Variants in GALNT2 observed in about 807,000 individuals in gnomAD.
GALNT2 encodes UDP-GalNAc:polypeptide N-acetylgalactosaminyltransferase 2.
A neutral mutation model predicts 81.4 loss-of-function variants in GALNT2; 31 were observed. The ratio of observed to expected loss-of-function variants is 0.38; its 90% CI spans 0.29 to 0.51. GALNT2 has a LOEUF of 0.51. Among genes scored for constraint, GALNT2 ranks in the 20% least tolerant of loss-of-function variants. The probability of loss-of-function intolerance (pLI) is 0.87; values close to 1 mark genes in which losing one functional copy is unlikely to be tolerated. For synonymous variants in GALNT2, 303 were observed against 287.4 expected (o/e 1.05, Z -0.55); for missense variants, 629 against 765.7 (o/e 0.82, Z 2.11).
intron 1 of GALNT2, among the ~76,000 whole-genome samples, chr1:230,094,938 G>A (rs923900695): frequency 2.5e-4 from 38 of 152,218 alleles, no homozygotes; most frequent in African/African-American, 9.2e-4. Flanking sequence ...TCCTACTGAG[G>A]GTGAGGATTA....
chr1:230,235,480 AT>A (rs1664999227), intron 3 of GALNT2, among the ~76,000 whole-genome samples: 1 of 152,114 alleles, frequency 6.6e-6, no homozygotes, highest in Non-Finnish European at 1.5e-5. Context: ...GTATTTGGGG[AT>A]GGCCTTCCAG....
intron 2 of GALNT2, among the ~76,000 whole-genome samples, chr1:230,181,972 A>T (rs570786879): frequency 1.3e-5 from 2 of 152,294 alleles, no homozygotes; most frequent in African/African-American, 4.8e-5. Context: ...TTGGCAGAGT[A>T]TGTCTTTGGA....
At chr1:230,110,048 C>T (rs1660658119) in intron 1 of GALNT2, among the ~76,000 whole-genome samples, 1 of 152,196 alleles carries the variant, frequency 6.6e-6, no homozygotes, top group South Asian at 2.1e-4. Flanking sequence ...CCACGGCGTC[C>T]TGGCAGAGCA....
At chr1:230,157,004 G>A (rs1013203603) in intron 1 of GALNT2, among the ~76,000 whole-genome samples, 1 of 152,246 alleles carries the variant, frequency 6.6e-6, no homozygotes, top group Non-Finnish European at 1.5e-5. Context: ...TATCACGAAA[G>A]AGGTAACATT....
chr1:230,248,811 G>C (rs556079212), intron 8 of GALNT2, among the ~76,000 whole-genome samples: 3 of 152,244 alleles, frequency 2.0e-5, no homozygotes, highest in East Asian at 3.9e-4. Flanking sequence ...TGATTTTCAT[G>C]TTGGATGCTC....
Position 230,178,234 on chromosome 1 carries a change from T to G in GALNT2, c.143T>G (p.Ile48Ser), listed in dbSNP as rs1162120633. The change falls in exon 2 of 16, where the codon ATT (isoleucine) becomes AGT (serine). Residue 48 changes from isoleucine (I) to serine (S), a missense_variant. Ile to Ser is a moderately radical substitution (Grantham distance 142). This residue lies in a region of GALNT2 where 360 missense variants were observed against 492.8 expected (regional missense o/e 0.73). Transcript: ENST00000366672. ...TTCCCCTAGGAGGACTGGAATGAAATTGACCCCATTAAAAAGAAAGACCTT... is the reference window on the plus strand; with the variant it reads ...TTCCCCTAGGAGGACTGGAATGAAAGTGACCCCATTAAAAAGAAAGACCTT... ...GAGRKEDWNEIDPIKKKDLHH... is the reference protein window; with the variant it reads ...GAGRKEDWNESDPIKKKDLHH... 6.2e-7 allele frequency: 1 copy of G among 1,613,900 alleles called. No individual in the cohort carries two copies. The highest frequency in any genetic ancestry group is 1.1e-5 in the South Asian group (1 of 91,076).
chr1:230,113,097 G>A (rs535024345), intron 1 of GALNT2, among the ~76,000 whole-genome samples: 1 of 152,262 alleles, frequency 6.6e-6, no homozygotes, highest in East Asian at 1.9e-4. Flanking sequence ...GCCTGAGGAA[G>A]TGTCTTACCC....
chr1:230,200,016 T>G (rs1663834000), intron 2 of GALNT2, among the ~76,000 whole-genome samples: 1 of 152,132 alleles, frequency 6.6e-6, no homozygotes, highest in Non-Finnish European at 1.5e-5. Context: ...CTTAGCTCAG[T>G]TTTTATTGAT....
chr1:230,092,185 T>TGTTTTGTTTTTTTTTG (rs371156205), intron 1 of GALNT2, among the ~76,000 whole-genome samples: 4 of 114,286 alleles, frequency 3.5e-5, no homozygotes, highest in African/African-American at 1.3e-4. Context: ...AGTTTTTTTT[T>TGTTTTGTTTTTTTTTG]TTTTTTTTTT....
chr1:230,083,532 C>T (rs1659811992), intron 1 of GALNT2, among the ~76,000 whole-genome samples: 1 of 152,138 alleles, frequency 6.6e-6, no homozygotes, highest in Admixed American at 6.5e-5. Context: ...AACAAGAAGC[C>T]AGACTGATAG....
intron 6 of GALNT2, among the ~76,000 whole-genome samples, chr1:230,240,485 G>A (rs12069458): frequency 0.021 from 3,137 of 152,208 alleles, 111 homozygotes; most frequent in African/African-American, 0.07. Flanking sequence ...CCAGCTACTC[G>A]GGAGACTGAG....
At chr1:230,182,625 G>T (rs1315787144) in intron 2 of GALNT2, among the ~76,000 whole-genome samples, 1 of 152,154 alleles carries the variant, frequency 6.6e-6, no homozygotes, top group Non-Finnish European at 1.5e-5. Context: ...TTTTCAATTT[G>T]TTAAGGTATG....
At chr1:230,199,379 A>G (rs1202211950) in intron 2 of GALNT2, among the ~76,000 whole-genome samples, 2 of 152,160 alleles carry the variant, frequency 1.3e-5, no homozygotes, top group East Asian at 1.9e-4. Context: ...TAGCAATTCT[A>G]TATAGTACAG....
chr1:230,227,013 A>G (rs1664735212), intron 3 of GALNT2, among the ~76,000 whole-genome samples: 1 of 152,168 alleles, frequency 6.6e-6, no homozygotes, highest in South Asian at 2.1e-4. Flanking sequence ...ATGCTGATTA[A>G]CAAAAATAGA....
At chr1:230,087,104 C>T (rs901907934) in intron 1 of GALNT2, among the ~76,000 whole-genome samples, 1 of 152,170 alleles carries the variant, frequency 6.6e-6, no homozygotes, top group Non-Finnish European at 1.5e-5. Flanking sequence ...AGGTATTTCA[C>T]CTGGGAAGGT....
At chr1:230,235,528 A>G (rs949814097) in intron 3 of GALNT2, among the ~76,000 whole-genome samples, 1 of 152,202 alleles carries the variant, frequency 6.6e-6, no homozygotes, top group Non-Finnish European at 1.5e-5. Flanking sequence ...CCAGGAAGGG[A>G]AAACCTCCAG....
chr1:230,237,146 A>G (rs1262229503), intron 6 of GALNT2, among the ~76,000 whole-genome samples: 1 of 152,220 alleles, frequency 6.6e-6, no homozygotes, highest in Non-Finnish European at 1.5e-5. Flanking sequence ...AAATGGGGAG[A>G]CAGTACTGCA....
rs1029437028 is a variant in GALNT2, at chr1:230,279,828, AG to A, written c.*375del. ...TGCGAGCTGAGGACAGGGCGGGAGG[AG>A]GGGGCACACATGCCCCAGGGGAGCG... On this transcript the variant is annotated 3_prime_UTR_variant, in exon 16 of 16. Transcript: ENST00000366672. The surrounding 1 kb of genome is among the most constrained non-coding windows in gnomAD (Gnocchi z 4.6). 1 of 478,626 alleles carries A rather than the reference AG, an allele frequency of 2.1e-6. No homozygotes were observed. Among genetic ancestry groups the A allele is most frequent in the African/African-American group, 2.0e-5 (1 of 51,046 alleles). 29.6% of individuals were successfully genotyped at this position (478,626 alleles called of 1,614,324 possible). A position where few individuals can be genotyped will look rare whatever the true frequency, so the allele number is the denominator to read the frequency against.
At chr1:230,198,233 G>A (rs1308820386) in intron 2 of GALNT2, among the ~76,000 whole-genome samples, 1 of 152,236 alleles carries the variant, frequency 6.6e-6, no homozygotes, top group Non-Finnish European at 1.5e-5. Context: ...TGCTGCGGGC[G>A]AGGCTGAGTC....
Sources: allele counts gnomAD v4.1 joint callset (sites outside exome capture counted in the v4.1 genomes callset), GRCh38; gene constraint gnomAD v4.1.1; regional missense constraint gnomAD v4.1.1; non-coding constraint Gnocchi (gnomAD v3.1); transcripts MANE v1.5; gene names NCBI Gene and HGNC (gene_info 2026-07-23, HGNC 2026-07-21).